DLG2: variants seen among roughly 807,000 people sequenced by gnomAD.
The protein encoded by DLG2 is discs large MAGUK scaffold protein 2.
In DLG2, 45 loss-of-function variants were observed where a neutral mutation model predicts 132.5. The observed-to-expected ratio is 0.34, with a 90% CI of 0.27 to 0.44. The LOEUF (loss-of-function observed/expected upper bound fraction) is 0.44. DLG2 is among the 20% of genes least tolerant of loss of function. The pLI is 1.00. For missense variants in DLG2, 1,045 were observed against 1,196.9 expected (o/e 0.87, Z 1.87); for synonymous variants, 424 against 419.6 (o/e 1.01, Z -0.13).
chr11:85,107,280 A>T (rs2071917635), intron 6 of DLG2, among the ~76,000 whole-genome samples: 1 of 152,048 alleles, frequency 6.6e-6, no homozygotes, highest in African/African-American at 2.4e-5. Context: ...AAACAAAAGA[A>T]TTTTTGTAGC....
chr11:84,168,516 A>C (rs991034614), intron 8 of DLG2, among the ~76,000 whole-genome samples: 2 of 152,204 alleles, frequency 1.3e-5, no homozygotes, highest in Admixed American at 6.5e-5. Context: ...CTTCCAGAGT[A>C]AGGTGGGGCA....
rs552290390 is a variant in DLG2 at position 84,495,470 on chromosome 11, C to G, written c.519+39100G>C. Among the ~76,000 whole-genome samples, 7 of 152,254 alleles carry G rather than the reference C, an allele frequency of 4.6e-5. No individual in the cohort carries two copies. In the East Asian group the frequency reaches 1.3e-3, roughly 29 times the overall value. On this transcript the variant is annotated intron_variant, in intron 7 of 27. Coordinates refer to ENST00000376104, the MANE Select transcript of DLG2 (RefSeq NM_001142699.3). ...CTACCTTCAAATTTATAACATTTTA[C>G]ATGTATGTCTCCTCTTCATAAGAAA...
intron 7 of DLG2, among the ~76,000 whole-genome samples, chr11:84,447,849 T>G (rs976304230): frequency 6.6e-6 from 1 of 151,960 alleles, no homozygotes; most frequent in African/African-American, 2.4e-5. Context: ...AGCAGAAAAA[T>G]AGACTGATAA....
chr11:84,931,897 T>G (rs2048135848), intron 6 of DLG2, among the ~76,000 whole-genome samples: 1 of 152,228 alleles, frequency 6.6e-6, no homozygotes. Context: ...TCATGATTGC[T>G]GGCTGCATAC....
intron 18 of DLG2, among the ~76,000 whole-genome samples, chr11:83,766,508 T>C (rs1319794683): frequency 1.3e-5 from 2 of 151,996 alleles, no homozygotes; most frequent in Non-Finnish European, 1.5e-5. Flanking sequence ...TCTTATAAAT[T>C]TGAAAAATGA....
intron 3 of DLG2, among the ~76,000 whole-genome samples, chr11:85,366,357 A>C (rs1455432488): frequency 6.6e-6 from 1 of 151,964 alleles, no homozygotes; most frequent in East Asian, 1.9e-4. Context: ...TCTTCTTTGC[A>C]CAATATATAT....
intron 8 of DLG2, among the ~76,000 whole-genome samples, chr11:84,215,845 A>G (rs1400143096): frequency 6.6e-6 from 1 of 152,206 alleles, no homozygotes; most frequent in Non-Finnish European, 1.5e-5. Context: ...GTATTGGACA[A>G]TGTCTTAGAA....
intron 17 of DLG2, among the ~76,000 whole-genome samples, chr11:83,828,190 C>G (rs905895757): frequency 1.3e-5 from 2 of 152,088 alleles, no homozygotes; most frequent in Non-Finnish European, 2.9e-5. Context: ...CGTTACTTCC[C>G]TTTTCTGTAT....
At chr11:83,682,864 C>T (rs987769920) in intron 18 of DLG2, among the ~76,000 whole-genome samples, 6 of 152,114 alleles carry the variant, frequency 3.9e-5, no homozygotes, top group African/African-American at 1.4e-4. Flanking sequence ...GGGAGTCCTA[C>T]CCCCTTACTG....
chr11:85,539,927 C>T lies in DLG2; in HGVS notation c.40+58730G>A, dbSNP rs966201721. 7.2e-5 allele frequency among the ~76,000 whole-genome samples: 11 copies of T among 152,282 alleles called. No homozygotes were observed. In the South Asian group the frequency reaches 2.1e-3, roughly 29 times the overall value. On this transcript the variant is annotated intron_variant, in intron 3 of 27. Coordinates refer to ENST00000376104, the MANE Select transcript of DLG2 (RefSeq NM_001142699.3). ...CACACCTTAAGCAATGAATACTCAA[C>T]CCTAGAGGTCACAACTTCCTAGTTT...
intron 6 of DLG2, among the ~76,000 whole-genome samples, chr11:84,674,913 C>CA (rs1205812722): frequency 1.3e-5 from 2 of 152,134 alleles, no homozygotes; most frequent in Non-Finnish European, 2.9e-5. Context: ...TTGTTAATGA[C>CA]TTTTTCCCAC....
intron 19 of DLG2, among the ~76,000 whole-genome samples, chr11:83,619,927 A>T (rs2061377845): frequency 6.6e-6 from 1 of 152,106 alleles, no homozygotes; most frequent in Non-Finnish European, 1.5e-5. Flanking sequence ...GGAACTAGTA[A>T]AGAGGTTTGT....
intron 7 of DLG2, among the ~76,000 whole-genome samples, chr11:84,355,453 C>A (rs992338204): frequency 6.6e-6 from 1 of 152,018 alleles, no homozygotes; most frequent in African/African-American, 2.4e-5. Flanking sequence ...AGAGAAGTGC[C>A]TTTCCCCTTC....
intron 6 of DLG2, among the ~76,000 whole-genome samples, chr11:85,031,924 C>T (rs2061031106): frequency 7.3e-6 from 1 of 137,290 alleles, no homozygotes; most frequent in Non-Finnish European, 1.5e-5. Flanking sequence ...GCTGGGGCTA[C>T]AAGTGTGTAC....
At chr11:83,695,408 T>G (rs971615303) in intron 18 of DLG2, among the ~76,000 whole-genome samples, 4 of 151,956 alleles carry the variant, frequency 2.6e-5, no homozygotes, top group Middle Eastern at 3.4e-3. Flanking sequence ...GAGGGAGAAA[T>G]TATGTGTGGG....
chr11:83,469,484 T>C, intron 24 of DLG2, 111 bp from the exon 25 acceptor site: 1 of 783,598 alleles, frequency 1.3e-6, no homozygotes, highest in Non-Finnish European at 2.0e-6. Context: ...ATATGTAGTA[T>C]GAAGAAATAT....
intron 15 of DLG2, among the ~76,000 whole-genome samples, chr11:83,923,940 A>G (rs790381): frequency 0.72 from 109,743 of 151,944 alleles, 40,586 homozygotes; most frequent in Middle Eastern, 0.86. Flanking sequence ...GGTAAGTAAG[A>G]TCTTCTATGA....
chr11:84,938,046 C>A (rs1200606101), intron 6 of DLG2, among the ~76,000 whole-genome samples: 1 of 152,082 alleles, frequency 6.6e-6, no homozygotes, highest in African/African-American at 2.4e-5. Context: ...AGAAAAGGAA[C>A]CTTGAAATAC....
intron 9 of DLG2, among the ~76,000 whole-genome samples, chr11:84,109,173 TA>T: frequency 6.6e-6 from 1 of 152,310 alleles, no homozygotes; most frequent in Non-Finnish European, 1.5e-5. Flanking sequence ...GATACTGTGT[TA>T]GACCTTACAA....
Sources: allele counts gnomAD v4.1 joint callset (sites outside exome capture counted in the v4.1 genomes callset), GRCh38; gene constraint gnomAD v4.1.1; transcripts MANE v1.5; gene names NCBI Gene and HGNC (gene_info 2026-07-23, HGNC 2026-07-21).